CYP11B1: variants seen among roughly 807,000 people sequenced by gnomAD.
CYP11B1 encodes the protein cytochrome P450 11B1, mitochondrial.
Under a neutral mutation model 48.3 loss-of-function variants are expected in CYP11B1, and 34 were observed. That is an observed-to-expected ratio of 0.70 (90% confidence interval 0.54 to 0.94). The LOEUF (loss-of-function observed/expected upper bound fraction) is 0.94. CYP11B1 is among the 40% of genes least tolerant of loss of function. The pLI is 0.00. For synonymous variants in CYP11B1, 291 were observed against 262.5 expected (o/e 1.11, Z -1.05); for missense variants, 688 against 657.4 (o/e 1.05, Z -0.51).
chr8:142,875,829 T>A lies in CYP11B1; in HGVS notation c.1004A>T (p.Asn335Ile). ...CTCCTGGCGCAGGGCCTGCTGCACG[T>A]TGGGGTTCCGAGCCAGCTCAAAGAG... ...MTLFELARNP[N>I]VQQALRQESL... Residue 335 changes from asparagine to isoleucine, a missense_variant, in exon 6 of 9, where the codon AAC (asparagine) becomes ATC (isoleucine). Asn to Ile is a moderately radical substitution (Grantham distance 149, BLOSUM62 -3). Coordinates refer to ENST00000292427, the MANE Select transcript of CYP11B1 (RefSeq NM_000497.4). 1 of 1,614,014 alleles carries A rather than the reference T, an allele frequency of 6.2e-7. No individual in the cohort carries two copies.
chr8:142,878,895 G>A (rs987601858), intron 2 of CYP11B1, 137 bp downstream of exon 2: 22 of 1,339,080 alleles, frequency 1.6e-5, no homozygotes, highest in Admixed American at 9.9e-5. Flanking sequence ...CGGAATGGCC[G>A]TCCTCTGGGT....
chr8:142,878,180 T>C (rs577983185), intron 2 of CYP11B1, among the ~76,000 whole-genome samples: 8 of 152,320 alleles, frequency 5.3e-5, no homozygotes, highest in South Asian at 2.1e-4. Flanking sequence ...TTCCGTTATG[T>C]GCACCCAGCC....
At chr8:142,875,199 A>T in intron 7 of CYP11B1, 35 bp downstream of exon 7, 1 of 1,613,984 alleles carries the variant, frequency 6.2e-7, no homozygotes. Flanking sequence ...CTGGGGAGGG[A>T]GGTTCTCAGC....
rs749211518 is a variant in CYP11B1, at chr8:142,879,731, G to T, written c.83C>A (p.Ala28Asp). Residue 28 changes from alanine (A) to aspartate (D), a missense_variant, in exon 1 of 9, where the codon GCC becomes GAC. Ala to Asp is a moderately radical substitution (Grantham distance 126). Coordinates refer to ENST00000292427, the MANE Select transcript of CYP11B1 (RefSeq NM_000497.4). ...LQRAQALGTR[A>D]ARVPRTVLPF... is the part of the protein sequence containing the mutation. ...CAGCACTGTCCTGGGGACCCGGGCG[G>T]CTCTCGTGCCCAGTGCCTGTGCCCT... 3 of 1,614,228 alleles carry T rather than the reference G, an allele frequency of 1.9e-6. No individual in the cohort carries two copies. Among genetic ancestry groups the T allele is most frequent in the Non-Finnish European group, 1.7e-6 (2 of 1,180,046 alleles).
chr8:142,873,164 G>T lies in CYP11B1; in HGVS notation c.*1209C>A, dbSNP rs757505651. ...CTGTACAGGCTGAGTCCTGCAGGGC[G>T]TCCTGGATCTACTGACCACCACTGG... On this transcript the variant is annotated 3_prime_UTR_variant, in exon 9 of 9. Transcript: ENST00000292427. 2 of 152,254 alleles carry T rather than the reference G, an allele frequency of 1.3e-5. No homozygotes were observed. The highest frequency in any genetic ancestry group is 4.8e-5 in the African/African-American group (2 of 41,454). The allele number at this position is 152,254 out of a possible 1,614,324, so 9.4% of individuals were successfully genotyped here. A position where few individuals can be genotyped will look rare whatever the true frequency, so the allele number is the denominator to read the frequency against.
rs368944209 is a variant in CYP11B1 at position 142,875,721 on chromosome 8, T to C, written c.1112A>G (p.Glu371Gly). The C allele has an allele frequency of 2.5e-6, 4 of 1,613,828 alleles. No individual in the cohort carries two copies. The highest frequency in any genetic ancestry group is 3.4e-6 in the Non-Finnish European group (4 of 1,179,944). ...CTCAGCCAGCACCCACCGCAAGGTC[T>C]CCTTGAGGGCCGCACGCAGCAAGGG... ...ELPLLRAALK[E>G]TLRLYPVGLF... The change falls in exon 6 of 9, where the codon GAG becomes GGG. Residue 371 changes from glutamate (E) to glycine (G), a missense_variant. Coordinates refer to ENST00000292427, the MANE Select transcript of CYP11B1 (RefSeq NM_000497.4).
chr8:142,878,971 C>T, intron 2 of CYP11B1, 61 bp downstream of exon 2: 1 of 1,598,388 alleles, frequency 6.3e-7, no homozygotes, highest in Non-Finnish European at 8.5e-7. Context: ...TCCTGCCTCT[C>T]TCGCCTCCCC....
At position 142,873,136 on chromosome 8, in the gene CYP11B1, T is replaced by C. The variant is rs1816843228; in HGVS notation, c.*1237A>G. On this transcript the variant is annotated 3_prime_UTR_variant, in exon 9 of 9. Transcript: ENST00000292427. ...TGCTCCCAACCTGGGGCACTTCATC[T>C]CCCTGTACAGGCTGAGTCCTGCAGG... 1 of 152,224 alleles carries C rather than the reference T, an allele frequency of 6.6e-6. No individual in the cohort carries two copies. The highest frequency in any genetic ancestry group is 1.5e-5 in the Non-Finnish European group (1 of 68,070). 9.4% of individuals were successfully genotyped at this position (152,224 alleles called of 1,614,324 possible). A position where few individuals can be genotyped will look rare whatever the true frequency, so the allele number is the denominator to read the frequency against.
At chr8:142,878,812 T>C (rs919585491) in intron 2 of CYP11B1, among the ~76,000 whole-genome samples, 1 of 152,116 alleles carries the variant, frequency 6.6e-6, no homozygotes, top group Admixed American at 6.5e-5. Context: ...CTGCATCTTC[T>C]CTGCAGAGGT....
chr8:142,874,170 C>T lies in CYP11B1; in HGVS notation c.*203G>A. On this transcript the variant is annotated 3_prime_UTR_variant, in exon 9 of 9. Transcript: ENST00000292427. ...GGGCTGGGGACAAGGTCAGCAAGAT[C>T]TTCCCCAGCTGTGCCCTGGCATTGC... 1.6e-6 allele frequency: 1 copy of T among 618,268 alleles called. No homozygotes were observed. Among genetic ancestry groups the T allele is most frequent in the South Asian group, 1.8e-5 (1 of 54,712 alleles). 38.3% of individuals were successfully genotyped at this position (618,268 alleles called of 1,614,324 possible).
Position 142,874,419 on chromosome 8 carries a change from A to G in CYP11B1, c.1466T>C (p.Leu489Ser), listed in dbSNP as rs750428278. The change falls in exon 9 of 9, where the codon TTG (leucine) becomes TCG (serine). Residue 489 changes from leucine to serine, a missense_variant. By Grantham distance (145) the Leu-to-Ser change is moderately radical. Transcript: ENST00000292427. ...GAGGAGGGGGAACATGCTGGGCCTC[A>G]ATATGAAGCTGTAGACCATCTTTAT... is the stretch of plus-strand genomic sequence containing the variant. ...EDIKMVYSFI[L>S]RPSMFPLLTF... 1.2e-6 allele frequency: 2 copies of G among 1,614,062 alleles called. No homozygotes were observed. The highest frequency in any genetic ancestry group is 1.1e-5 in the South Asian group (1 of 91,066).
intron 1 of CYP11B1, 190 bp downstream of exon 1, chr8:142,879,385 G>C (rs1354259072): frequency 6.2e-7 from 1 of 1,610,962 alleles, no homozygotes; most frequent in East Asian, 2.2e-5. Flanking sequence ...CAGCGAGCTG[G>C]GATTTGCTCT....
chr8:142,876,686 C>G lies in CYP11B1; in HGVS notation c.795G>C (p.Gln265His), dbSNP rs1445091167. ...TGCCCGGGTCCCTGGCCTCACCGTA[C>G]TGGAAGATGCAGTCCCAGGCCTCAA... ...EHFEAWDCIF[Q>H]YGDNCIQKIY... is the part of the protein sequence containing the mutation. The change falls in exon 4 of 9, where the codon CAG becomes CAC. Residue 265 changes from glutamine to histidine, a missense_variant. Transcript: ENST00000292427. 2.5e-6 allele frequency: 4 copies of G among 1,610,284 alleles called. No homozygotes were observed. Among genetic ancestry groups the G allele is most frequent in the Non-Finnish European group, 3.4e-6 (4 of 1,178,498 alleles).
rs753774484 is a variant in CYP11B1, at chr8:142,876,241, C to G, written c.954G>C (p.Thr318=). ...SMELTAGSVD[T]TVFPLLMTLF... ...GGGTGGGGCTGGTTGCCGGCCTGACCGTGTCCACGCTCCCTGCAGTGAGTT... is the reference window on the plus strand; with the variant it reads ...GGGTGGGGCTGGTTGCCGGCCTGACGGTGTCCACGCTCCCTGCAGTGAGTT... The change falls in exon 5 of 9, where the codon ACG becomes ACC. Residue 318 remains threonine, a splice_region_variant and synonymous_variant. Transcript: ENST00000292427. 3 of 1,614,062 alleles carry G rather than the reference C, an allele frequency of 1.9e-6. No individual in the cohort carries two copies. Among genetic ancestry groups the G allele is most frequent in the Admixed American group, 1.7e-5 (1 of 60,010 alleles).
intron 2 of CYP11B1, among the ~76,000 whole-genome samples, chr8:142,878,220 C>T (rs1198038532): frequency 1.2e-4 from 18 of 152,178 alleles, no homozygotes; most frequent in Admixed American, 1.2e-3. Flanking sequence ...GGTCCTGACT[C>T]CCTCCCAGAT....
Position 142,876,280 on chromosome 8 carries a change from C to T in CYP11B1, c.915G>A (p.Lys305=). 1 of 1,614,250 alleles carries T rather than the reference C, an allele frequency of 6.2e-7. No individual in the cohort carries two copies. Residue 305 remains lysine (K), a synonymous_variant, in exon 5 of 9, where the codon AAG becomes AAA. Transcript: ENST00000292427. Reference sequence around the variant, plus strand: ...CTGCAGTGAGTTCCATAGAGTTGGCCTTGATGGCATCTGGCGACAGTTCCG... The same window carrying T: ...CTGCAGTGAGTTCCATAGAGTTGGCTTTGATGGCATCTGGCGACAGTTCCG... ...LNAELSPDAI[K]ANSMELTAGS... is the part of the protein sequence containing the mutation.
intron 5 of CYP11B1, 157 bp downstream of exon 5, chr8:142,876,084 C>A: frequency 8.2e-7 from 1 of 1,215,974 alleles, no homozygotes; most frequent in South Asian, 1.3e-5. Flanking sequence ...ACCATGGCAA[C>A]CTGCAAACGT....
intron 1 of CYP11B1, 93 bp downstream of exon 1, chr8:142,879,482 T>C: frequency 6.2e-7 from 1 of 1,613,980 alleles, no homozygotes; most frequent in Non-Finnish European, 8.5e-7. Flanking sequence ...TGCCGGGACC[T>C]GCTGGGAATG....
chr8:142,875,496 CAGA>C (rs766713721), intron 6 of CYP11B1, 184 bp from the exon 7 acceptor site: 47 of 1,017,670 alleles, frequency 4.6e-5, no homozygotes, highest in Non-Finnish European at 6.9e-5. Flanking sequence ...GCCCCGAGCG[CAGA>C]AGGACATGCT....
Sources: allele counts gnomAD v4.1 joint callset (sites outside exome capture counted in the v4.1 genomes callset), GRCh38; gene constraint gnomAD v4.1.1; transcripts MANE v1.5; gene names NCBI Gene and HGNC (gene_info 2026-07-23, HGNC 2026-07-21).